Variants in FAH observed in about 807,000 individuals in gnomAD.
FAH encodes the protein fumarylacetoacetate hydrolase, also known as fumarylacetoacetase.
Under a neutral mutation model 55.8 loss-of-function variants are expected in FAH, and 47 were observed. The ratio of observed to expected loss-of-function variants is 0.84; its 90% CI spans 0.67 to 1.07. FAH has a LOEUF of 1.07. FAH is among the 50% of genes least tolerant of loss of function. FAH has a pLI of 0.00. For missense variants in FAH, 495 were observed against 545.9 expected, an observed-to-expected ratio of 0.91 and a Z score of 0.93; for synonymous variants, 199 against 207.7, an observed-to-expected ratio of 0.96 and a Z score of 0.36.
intron 10 of FAH, among the ~76,000 whole-genome samples, chr15:80,176,697 A>G (rs1161481352): frequency 2.0e-5 from 3 of 152,222 alleles, no homozygotes; most frequent in Non-Finnish European, 4.4e-5. Context: ...CTTGGAGTAT[A>G]CTTTCTATCT....
rs977497095 is a variant in FAH at position 80,162,865 on chromosome 15, A to G, written c.455+529A>G. ...AAGGATCAACTTGCCTGAGCACAAC[A>G]GGGCCACAGCCTGTCTCCCAGCCCC... On this transcript the variant is annotated intron_variant, in intron 5 of 13. Transcript: ENST00000561421. 7 of 212,210 alleles carry G rather than the reference A, an allele frequency of 3.3e-5. No homozygotes were observed. The South Asian group carries it at 5.2e-4, about 16-fold the overall frequency. The allele number at this position is 212,210 out of a possible 1,614,324, so 13.1% of individuals were successfully genotyped here.
chr15:80,178,371 A>C (rs1328279485), intron 11 of FAH, among the ~76,000 whole-genome samples: 4 of 150,974 alleles, frequency 2.6e-5, no homozygotes. Context: ...AGCAAAGGTC[A>C]CTCCTCTCCT....
intron 13 of FAH, among the ~76,000 whole-genome samples, chr15:80,183,484 T>C (rs1332166756): frequency 6.6e-6 from 1 of 152,228 alleles, no homozygotes; most frequent in East Asian, 1.9e-4. Flanking sequence ...TGCCCTCACC[T>C]TCTACGACTT....
chr15:80,174,693 T>C (rs1201481953), intron 9 of FAH, among the ~76,000 whole-genome samples: 1 of 152,168 alleles, frequency 6.6e-6, no homozygotes, highest in Non-Finnish European at 1.5e-5. Flanking sequence ...CCAGGCTTTG[T>C]TCTCCATCTC....
At position 80,179,997 on chromosome 15, in the gene FAH, G is replaced by T; in HGVS notation, c.961-127G>T. 1.2e-5 allele frequency: 9 copies of T among 724,954 alleles called. No homozygotes were observed. In the South Asian group the frequency reaches 1.3e-4, roughly 11 times the overall value. 44.9% of individuals were successfully genotyped at this position (724,954 alleles called of 1,614,324 possible). On this transcript the variant is annotated intron_variant, in intron 11 of 13. Coordinates refer to ENST00000561421, the MANE Select transcript of FAH (RefSeq NM_000137.4). The stretch of plus-strand genomic sequence containing the variant: ...ATAAGGGACTGGAGAGAGCTGGCTG[G>T]GGGAGCTGGGGACCGGGGAAAGGCC...
intron 8 of FAH, 23 bp downstream of exon 8, chr15:80,172,271 T>A: frequency 5.9e-6 from 9 of 1,513,488 alleles, no homozygotes; most frequent in Non-Finnish European, 8.3e-6. Context: ...GCTCTGCTCC[T>A]GTAGAGATGA....
At position 80,169,338 on chromosome 15, in the gene FAH, G is replaced by A. The variant is rs566918032; in HGVS notation, c.606+1022G>A. ...GCGGAGGTTGCAGTGAGCTGAGATCGCGCCACCACACTCCAGCCTGGGTGA... is the reference window on the plus strand; with the variant it reads ...GCGGAGGTTGCAGTGAGCTGAGATCACGCCACCACACTCCAGCCTGGGTGA... On this transcript the variant is annotated intron_variant, in intron 7 of 13. Transcript: ENST00000561421. 3.9e-4 allele frequency among the ~76,000 whole-genome samples: 60 copies of A among 151,926 alleles called. No individual in the cohort carries two copies. The East Asian group carries it at 8.6e-3, about 22-fold the overall frequency.
intron 7 of FAH, among the ~76,000 whole-genome samples, chr15:80,171,725 G>C (rs1272733336): frequency 6.6e-6 from 1 of 152,198 alleles, no homozygotes; most frequent in Non-Finnish European, 1.5e-5. Context: ...GCCTCCCAAA[G>C]TGCTGAGATT....
intron 11 of FAH, 91 bp downstream of exon 11, chr15:80,177,674 TG>T: frequency 8.2e-7 from 1 of 1,226,168 alleles, no homozygotes; most frequent in Non-Finnish European, 1.2e-6. Context: ...GCATTCCTTT[TG>T]GGATATGATG....
At chr15:80,155,322 C>T (rs928777678) in intron 1 of FAH, among the ~76,000 whole-genome samples, 2 of 152,160 alleles carry the variant, frequency 1.3e-5, no homozygotes, top group Non-Finnish European at 2.9e-5. Flanking sequence ...GCATGAATAG[C>T]GTCTACCCTG....
In FAH at chr15:80,186,232, A is replaced by ACAAAGGGCTCAAG; in HGVS notation, c.*26_*38dup. On this transcript the variant is annotated 3_prime_UTR_variant, in exon 14 of 14. Transcript: ENST00000561421. ...TGAGATTTTCTCTGCTCTTCTGGAA[A>ACAAAGGGCTCAAG]CAAAGGGCTCAAGCACCCCTTTCAA... The ACAAAGGGCTCAAG allele has an allele frequency of 1.2e-6, 2 of 1,601,430 alleles. No homozygotes were observed. Among genetic ancestry groups the ACAAAGGGCTCAAG allele is most frequent in the Non-Finnish European group, 8.6e-7 (1 of 1,168,894 alleles).
chr15:80,172,090 G>A, intron 7 of FAH, 59 bp from the exon 8 acceptor site: 1 of 1,257,338 alleles, frequency 8.0e-7, no homozygotes, highest in Non-Finnish European at 1.2e-6. Flanking sequence ...CTCTCTAGGT[G>A]ACAAGTGACC....
intron 9 of FAH, chr15:80,173,505 G>A (rs959604846): frequency 7.8e-6 from 3 of 382,240 alleles, no homozygotes; most frequent in Admixed American, 3.7e-5. Context: ...TGCAAATGGC[G>A]CCACCTGGAC....
chr15:80,158,135 C>A lies in FAH; in HGVS notation c.157C>A (p.Pro53Thr). The A allele has an allele frequency of 6.2e-7, 1 of 1,614,044 alleles. No individual in the cohort carries two copies. Among genetic ancestry groups the A allele is most frequent in the Non-Finnish European group, 8.5e-7 (1 of 1,179,868 alleles). Reference protein sequence around the residue: ...LSIIKHLFTGPVLSKHQDVFN... With the variant: ...LSIIKHLFTGTVLSKHQDVFN... Reference sequence around the variant, plus strand: ...CATCATCAAGCACCTCTTTACTGGTCCTGTCCTCTCCAAACACCAGGATGT... The same window carrying A: ...CATCATCAAGCACCTCTTTACTGGTACTGTCCTCTCCAAACACCAGGATGT... The change falls in exon 2 of 14, where the codon CCT becomes ACT. Residue 53 changes from proline to threonine, a missense_variant. Transcript: ENST00000561421.
intron 10 of FAH, 185 bp from the exon 11 acceptor site, chr15:80,177,352 G>T: frequency 3.2e-6 from 2 of 634,222 alleles, no homozygotes; most frequent in Non-Finnish European, 5.7e-6. Flanking sequence ...GTGATGACTT[G>T]TGTGCATGTA....
At chr15:80,183,914 A>C (rs931312914) in intron 13 of FAH, among the ~76,000 whole-genome samples, 8 of 152,254 alleles carry the variant, frequency 5.3e-5, no homozygotes, top group African/African-American at 1.9e-4. Context: ...GTTGGGCTCC[A>C]GGAGCTGTGC....
At chr15:80,176,392 G>A (rs2041284366) in intron 10 of FAH, among the ~76,000 whole-genome samples, 1 of 152,216 alleles carries the variant, frequency 6.6e-6, no homozygotes, top group Non-Finnish European at 1.5e-5. Context: ...TCAGTTCCAG[G>A]GTCTCGGCCC....
At chr15:80,152,893 G>T (rs904073615), upstream of FAH, 1 of 636,788 alleles carries the variant, frequency 1.6e-6, no homozygotes. Flanking sequence ...TTCACGGTGA[G>T]ACCAAAAGTC....
At chr15:80,152,944 G>C (rs2041063152), upstream of FAH, 1 of 915,614 alleles carries the variant, frequency 1.1e-6, no homozygotes, top group Non-Finnish European at 1.7e-6. Context: ...CACCCGGACA[G>C]GCCGTGGGGG....
Sources: gnomAD v4.1 joint callset for allele counts (sites outside exome capture counted in the v4.1 genomes callset) on GRCh38, gnomAD v4.1.1 for gene constraint, MANE v1.5 for transcripts, NCBI Gene and HGNC (gene_info 2026-07-23, HGNC 2026-07-21) for gene names.